The following RTTN variants were observed in gnomAD, a reference collection of about 807,000 sequenced individuals.
RTTN encodes rotatin.
RTTN carries 182 observed loss-of-function variants against 269.2 expected under a neutral mutation model. The ratio of observed to expected loss-of-function variants is 0.68; its 90% CI spans 0.60 to 0.76. The LOEUF (loss-of-function observed/expected upper bound fraction) is 0.76, where lower values mean the gene tolerates loss of function less well. Ranked by LOEUF, RTTN falls within the 30% of genes least tolerant of loss-of-function variation. The pLI is 0.00. For missense variants in RTTN, 2,545 were observed against 2,608.6 expected (o/e 0.98, Z 0.53); for synonymous variants, 1,006 against 963.5 (o/e 1.04, Z -0.82).
chr18:70,152,278 G>A (rs1381196), intron 14 of RTTN, among the ~76,000 whole-genome samples: 121,201 of 152,022 alleles, frequency 0.8, 52,304 homozygotes, highest in East Asian at 1. Context: ...GTGGTGCAAT[G>A]CTTAAGAATA....
At chr18:70,192,681 A>G (rs974454754) in intron 8 of RTTN, among the ~76,000 whole-genome samples, 1 of 151,688 alleles carries the variant, frequency 6.6e-6, no homozygotes, top group Non-Finnish European at 1.5e-5. Flanking sequence ...AAAAAAAAAA[A>G]AAAAAAAAGA....
At chr18:70,085,158 G>A (rs889947978) in intron 32 of RTTN, among the ~76,000 whole-genome samples, 4 of 152,058 alleles carry the variant, frequency 2.6e-5, no homozygotes, top group African/African-American at 7.2e-5. Flanking sequence ...TGTAGTCTCC[G>A]GATAACAGGT....
chr18:70,160,296 T>C (rs895887112), intron 14 of RTTN, among the ~76,000 whole-genome samples: 3 of 152,088 alleles, frequency 2.0e-5, no homozygotes, highest in African/African-American at 7.2e-5. Context: ...AATCAATAAA[T>C]GTGATTCATC....
intron 48 of RTTN, among the ~76,000 whole-genome samples, 184 bp downstream of exon 48, chr18:70,005,014 C>T (rs148892348): frequency 6.6e-6 from 1 of 152,258 alleles, no homozygotes; most frequent in African/African-American, 2.4e-5. Context: ...TAGAAGCAAT[C>T]ACATCTTAAA....
intron 36 of RTTN, 151 bp from the exon 37 acceptor site, chr18:70,057,983 C>G: frequency 5.3e-6 from 3 of 568,126 alleles, no homozygotes; most frequent in Non-Finnish European, 9.1e-6. Context: ...AAAAAGATAT[C>G]TCAAAGAATT....
intron 29 of RTTN, 99 bp downstream of exon 29, chr18:70,092,577 C>T (rs1421437051): frequency 7.4e-7 from 1 of 1,356,298 alleles, no homozygotes; most frequent in Non-Finnish European, 1.0e-6. Context: ...TCAAAAGAGA[C>T]ATTTTCATGT....
chr18:70,145,601 T>G lies in RTTN; in HGVS notation c.2481+11A>C. ...TTACCACACAGTAATAAACTCAAAA[T>G]TTATAGTCACCTTAATAACCAGCTC... is the stretch of plus-strand genomic sequence containing the variant. On this transcript the variant is annotated intron_variant, in intron 18 of 48. Transcript: ENST00000640769. The G allele has an allele frequency of 6.4e-7, 1 of 1,571,184 alleles. No individual in the cohort carries two copies. Among genetic ancestry groups the G allele is most frequent in the Non-Finnish European group, 8.6e-7 (1 of 1,163,102 alleles).
chr18:70,092,604 T>C, intron 29 of RTTN, 72 bp downstream of exon 29: 1 of 1,526,538 alleles, frequency 6.6e-7, no homozygotes. Context: ...TTTATATGCT[T>C]GAAATGTGTT....
At chr18:70,158,573 C>T (rs997638460) in intron 14 of RTTN, among the ~76,000 whole-genome samples, 5 of 152,150 alleles carry the variant, frequency 3.3e-5, no homozygotes, top group Admixed American at 6.5e-5. Context: ...AACATGGCGA[C>T]AGAATCAAAT....
intron 10 of RTTN, among the ~76,000 whole-genome samples, chr18:70,183,682 C>T (rs1842146351): frequency 6.6e-6 from 1 of 152,132 alleles, no homozygotes; most frequent in African/African-American, 2.4e-5. Context: ...GCCAGCAGCA[C>T]CACTCCAGGT....
intron 32 of RTTN, 86 bp downstream of exon 32, chr18:70,086,527 T>C: frequency 9.5e-7 from 1 of 1,050,464 alleles, no homozygotes; most frequent in Non-Finnish European, 1.4e-6. Context: ...GTTTCATCAA[T>C]AATGAAATAT....
At chr18:70,137,457 A>T (rs533109833) in intron 21 of RTTN, among the ~76,000 whole-genome samples, 26 of 152,264 alleles carry the variant, frequency 1.7e-4, no homozygotes, top group Non-Finnish European at 3.5e-4. Flanking sequence ...ATGCTACAGA[A>T]ATAATCTTCC....
chr18:70,106,743 A>G (rs1217573793), intron 28 of RTTN, among the ~76,000 whole-genome samples: 1 of 152,156 alleles, frequency 6.6e-6, no homozygotes, highest in Non-Finnish European at 1.5e-5. Context: ...CTGAAAAATA[A>G]TCTGGCAATA....
At chr18:70,134,729 TA>T (rs1042755086) in intron 22 of RTTN, among the ~76,000 whole-genome samples, 188 bp from the exon 23 acceptor site, 3 of 151,676 alleles carry the variant, frequency 2.0e-5, no homozygotes, top group Non-Finnish European at 2.9e-5. Context: ...AATTATGTTT[TA>T]AAAAAAAATT....
At chr18:70,184,692 A>C (rs2061492944) in intron 10 of RTTN, among the ~76,000 whole-genome samples, 3 of 126,166 alleles carry the variant, frequency 2.4e-5, no homozygotes, top group Non-Finnish European at 5.0e-5. Flanking sequence ...TTCCATTCAA[A>C]ACCACAGCAG....
chr18:70,058,239 G>A (rs1050546297), intron 36 of RTTN, among the ~76,000 whole-genome samples: 2 of 152,114 alleles, frequency 1.3e-5, no homozygotes, highest in Non-Finnish European at 1.5e-5. Flanking sequence ...AAAACAGGCC[G>A]GGTGCGGTGG....
chr18:70,127,855 C>G, intron 24 of RTTN, 114 bp from the exon 25 acceptor site: 3 of 992,636 alleles, frequency 3.0e-6, no homozygotes, highest in Non-Finnish European at 4.3e-6. Context: ...TTTCTTTTAA[C>G]AAAAGGTTGA....
At chr18:70,005,383 T>C (rs1233170287) in intron 47 of RTTN, 116 bp from the exon 48 acceptor site, 9 of 616,212 alleles carry the variant, frequency 1.5e-5, no homozygotes, top group African/African-American at 1.3e-4. Context: ...AATATAATAA[T>C]ATAACTAGAG....
At chr18:70,163,069 TAAAAAAAAAAAAAAAA>T (rs10559303) in intron 14 of RTTN, among the ~76,000 whole-genome samples, 3 of 56,968 alleles carry the variant, frequency 5.3e-5, no homozygotes, top group South Asian at 2.1e-3. Context: ...TTACTATTAT[TAAAAAAAAAAAAAAAA>T]AAAAAAAAAA....
Sources: gnomAD v4.1 joint callset for allele counts (sites outside exome capture counted in the v4.1 genomes callset) on GRCh38, gnomAD v4.1.1 for gene constraint, MANE v1.5 for transcripts, NCBI Gene and HGNC (gene_info 2026-07-23, HGNC 2026-07-21) for gene names.